Variants in SLC22A25 observed in about 807,000 individuals in gnomAD.
SLC22A25 encodes the protein MGI:2442751, MGI:2385316, MGI:3042283, MGI:3645714, MGI:3605624, MGI:2442750.
SLC22A25 carries 44 observed loss-of-function variants against 45.9 expected under a neutral mutation model. The observed-to-expected ratio is 0.96, with a 90% CI of 0.75 to 1.23. SLC22A25 has a LOEUF of 1.23. SLC22A25 is among the 50% of genes most tolerant of loss of function. The pLI, the probability that SLC22A25 is intolerant of heterozygous loss-of-function variation, is 0.00. For synonymous variants in SLC22A25, 283 were observed against 238.6 expected, an observed-to-expected ratio of 1.19 and a Z score of -1.72; for missense variants, 800 against 666.4, an observed-to-expected ratio of 1.20 and a Z score of -2.21.
rs540355604 is a variant in SLC22A25, at chr11:63,194,007, C to T, written c.831-10190G>A. ...GCTGAAAACCATGGCATGAGAACTA[C>T]GAGATGCATGCACATGCTTCAGTAG... On this transcript the variant is annotated intron_variant, in intron 7 of 11. Transcript: ENST00000306494. Among the ~76,000 whole-genome samples, 6 of 152,142 alleles carry T rather than the reference C, an allele frequency of 3.9e-5. No homozygotes were observed. In the East Asian group the frequency reaches 9.7e-4, roughly 24 times the overall value.
chr11:63,236,637 TGCACCCACTGTCCTGCACCCACTGTCCC>T (rs1331618300), intron 3 of SLC22A25, among the ~76,000 whole-genome samples: 15 of 151,776 alleles, frequency 9.9e-5, no homozygotes, highest in African/African-American at 3.6e-4. Context: ...CACGGTGTGC[TGCACCCACTGTCCTGCACCCACTGTCCC>T]GCACCCACTG....
At chr11:63,206,938 G>C (rs2089421528) in intron 7 of SLC22A25, among the ~76,000 whole-genome samples, 1 of 152,114 alleles carries the variant, frequency 6.6e-6, no homozygotes, top group African/African-American at 2.4e-5. Flanking sequence ...CAGATACATA[G>C]ACCACTTGAA....
At chr11:63,235,768 G>C (rs542977794) in intron 3 of SLC22A25, among the ~76,000 whole-genome samples, 1 of 152,092 alleles carries the variant, frequency 6.6e-6, no homozygotes, top group Non-Finnish European at 1.5e-5. Flanking sequence ...CCCCATCTTT[G>C]TGGTTTTATC....
chr11:63,174,560 T>C lies in SLC22A25; in HGVS notation c.1070+6100A>G, dbSNP rs111668534. Among the ~76,000 whole-genome samples, 266 of 152,246 alleles carry C rather than the reference T, an allele frequency of 1.7e-3. 4 individuals carry two copies. Among genetic ancestry groups the C allele is most frequent in the African/African-American group, 5.6e-3 (231 of 41,566 alleles). The stretch of plus-strand genomic sequence containing the variant: ...GAAATCACCCACGTCTAGTTCCTCT[T>C]CTTTTTCCCTTAGGGCAGGCTTGCC... On this transcript the variant is annotated intron_variant, in intron 9 of 11. Coordinates refer to ENST00000306494, the MANE Select transcript of SLC22A25 (RefSeq NM_199352.6).
intron 7 of SLC22A25, among the ~76,000 whole-genome samples, chr11:63,189,193 G>T (rs1319930775): frequency 1.3e-5 from 2 of 152,084 alleles, no homozygotes; most frequent in Non-Finnish European, 2.9e-5. Flanking sequence ...TCTCTTCCTA[G>T]GTCTCTAAGG....
chr11:63,211,163 G>C (rs985148412), intron 7 of SLC22A25, among the ~76,000 whole-genome samples: 8 of 152,154 alleles, frequency 5.3e-5, no homozygotes, highest in Non-Finnish European at 8.8e-5. Flanking sequence ...GGTGGTAGTA[G>C]AGCTTAACCC....
At chr11:63,167,932 G>A in intron 9 of SLC22A25, 1 of 404,518 alleles carries the variant, frequency 2.5e-6, no homozygotes, top group Non-Finnish European at 4.9e-6. Context: ...CTGGCATCAG[G>A]CAGGTGCTCC....
intron 9 of SLC22A25, among the ~76,000 whole-genome samples, chr11:63,169,874 C>A (rs2087818472): frequency 6.6e-6 from 1 of 152,196 alleles, no homozygotes; most frequent in Non-Finnish European, 1.5e-5. Flanking sequence ...CTTCTCAGCA[C>A]CACATCGCAC....
intron 9 of SLC22A25, among the ~76,000 whole-genome samples, chr11:63,176,074 C>CTAAA (rs533628193): frequency 7.9e-4 from 120 of 152,088 alleles, no homozygotes; most frequent in African/African-American, 2.7e-3. Flanking sequence ...TTCCATTGGT[C>CTAAA]TAAATGTCCA....
At chr11:63,175,683 T>C (rs1389742358) in intron 9 of SLC22A25, among the ~76,000 whole-genome samples, 1 of 152,100 alleles carries the variant, frequency 6.6e-6, no homozygotes, top group Non-Finnish European at 1.5e-5. Flanking sequence ...AAAACTAATG[T>C]CATGAAGCTT....
intron 4 of SLC22A25, among the ~76,000 whole-genome samples, 156 bp from the exon 5 acceptor site, chr11:63,228,720 C>T (rs1055395305): frequency 1.3e-5 from 2 of 152,232 alleles, no homozygotes; most frequent in African/African-American, 4.8e-5. Flanking sequence ...TCAACTTAAG[C>T]ACAACTTTCT....
chr11:63,201,417 C>A (rs1023764899), intron 7 of SLC22A25, among the ~76,000 whole-genome samples: 2 of 152,104 alleles, frequency 1.3e-5, no homozygotes, highest in African/African-American at 4.8e-5. Flanking sequence ...AAATAATTCC[C>A]TATTCAATAA....
At chr11:63,221,661 C>G (rs117747082) in intron 5 of SLC22A25, among the ~76,000 whole-genome samples, 1 of 151,970 alleles carries the variant, frequency 6.6e-6, no homozygotes, top group Non-Finnish European at 1.5e-5. Context: ...ATTTTTGCAT[C>G]GTTTGCCTGT....
rs1443418368 is a variant in SLC22A25, at chr11:63,162,889, C to T, written c.*935G>A. On this transcript the variant is annotated 3_prime_UTR_variant, in exon 12 of 12. Coordinates refer to ENST00000306494, the MANE Select transcript of SLC22A25 (RefSeq NM_199352.6). The stretch of plus-strand genomic sequence containing the variant: ...TTTATCTTGCTGTTTAATCAGCAAT[C>T]AGCACCTGGAATTCCTTAAAATTGT... 6.6e-6 allele frequency among the ~76,000 whole-genome samples: 1 copy of T among 152,138 alleles called. No homozygotes were observed. Among genetic ancestry groups the T allele is most frequent in the Non-Finnish European group, 1.5e-5 (1 of 68,030 alleles).
At chr11:63,218,047 C>T (rs889709521) in intron 5 of SLC22A25, 33 of 536,588 alleles carry the variant, frequency 6.1e-5, no homozygotes, top group Non-Finnish European at 1.1e-4. Flanking sequence ...CTTGTGAAGA[C>T]AAATTGTTCT....
chr11:63,158,438 A>G lies in SLC22A25; in HGVS notation c.*5386T>C, dbSNP rs932645325. Reference sequence around the variant, plus strand: ...CAAATAGAAATTTTTAAACAAATATATATTTTAAAATGTTTTATTTTTAAT... The same window carrying G: ...CAAATAGAAATTTTTAAACAAATATGTATTTTAAAATGTTTTATTTTTAAT... On this transcript the variant is annotated 3_prime_UTR_variant, in exon 12 of 12. Transcript: ENST00000306494. Among the ~76,000 whole-genome samples, 2 of 152,158 alleles carry G rather than the reference A, an allele frequency of 1.3e-5. No homozygotes were observed. The highest frequency in any genetic ancestry group is 2.9e-5 in the Non-Finnish European group (2 of 68,024).
intron 3 of SLC22A25, among the ~76,000 whole-genome samples, chr11:63,235,126 A>T (rs556859297): frequency 6.6e-6 from 1 of 151,904 alleles, no homozygotes; most frequent in Non-Finnish European, 1.5e-5. Context: ...TGTGTCTTGG[A>T]GTTGCTCTTC....
intron 7 of SLC22A25, among the ~76,000 whole-genome samples, chr11:63,202,891 A>C (rs1355651862): frequency 6.6e-6 from 1 of 152,172 alleles, no homozygotes; most frequent in Non-Finnish European, 1.5e-5. Context: ...GTTGACAGAC[A>C]CCTCATACAG....
chr11:63,188,077 A>T (rs558744387), intron 7 of SLC22A25, among the ~76,000 whole-genome samples: 334 of 152,354 alleles, frequency 2.2e-3, no homozygotes, highest in Non-Finnish European at 3.2e-3. Flanking sequence ...GTTAGGGAGG[A>T]TTCCCTTTTC....
Sources: gnomAD v4.1 joint callset for allele counts (sites outside exome capture counted in the v4.1 genomes callset) on GRCh38, gnomAD v4.1.1 for gene constraint, MANE v1.5 for transcripts, NCBI Gene and HGNC (gene_info 2026-07-23, HGNC 2026-07-21) for gene names.